Variants in RNF17 observed in about 807,000 individuals in gnomAD.
RNF17 encodes the protein spermatogenesis associated 23.
RNF17 carries 31 observed loss-of-function variants against 200.5 expected under a neutral mutation model. The observed-to-expected ratio is 0.15, with a 90% confidence interval of 0.12 to 0.21. The LOEUF (loss-of-function observed/expected upper bound fraction) is 0.21, where lower values mean the gene tolerates loss of function less well. RNF17 is among the 10% of genes least tolerant of loss of function. RNF17 has a pLI of 1.00. For synonymous variants in RNF17, 606 were observed against 637.8 expected, an observed-to-expected ratio of 0.95 and a Z score of 0.75; for missense variants, 1,628 against 1,905.1, an observed-to-expected ratio of 0.85 and a Z score of 2.71.
chr13:24,844,516 C>T, intron 20 of RNF17, 136 bp from the exon 21 acceptor site: 2 of 694,870 alleles, frequency 2.9e-6, no homozygotes, highest in Non-Finnish European at 4.8e-6. Flanking sequence ...GGAAGAAATA[C>T]ACTTGTACAT....
rs962512122 is a variant in RNF17 at position 24,856,814 on chromosome 13, G to A, written c.3611-2187G>A. ...GTTACTTTGTTGTGTATCCTATAAC[G>A]CTTGAAATCCATTGGATTTCTTGTT... On this transcript the variant is annotated intron_variant, in intron 25 of 35. Transcript: ENST00000255324. 4.6e-5 allele frequency among the ~76,000 whole-genome samples: 7 copies of A among 152,144 alleles called. No individual in the cohort carries two copies. In the East Asian group the frequency reaches 5.8e-4, roughly 13 times the overall value.
chr13:24,751,598 T>C, the RNF17 span: 4 of 152,210 alleles, frequency 2.6e-5, no homozygotes, highest in Non-Finnish European at 5.9e-5. Flanking sequence ...CTCAGGGATA[T>C]ACTGCTTGGT....
the RNF17 span, among the ~76,000 whole-genome samples, chr13:24,748,345 C>T: frequency 6.6e-6 from 1 of 152,218 alleles, no homozygotes; most frequent in African/African-American, 2.4e-5. Context: ...ACATGCGGCT[C>T]ATAGCCCAGA....
chr13:24,780,606 G>T (rs1165837746), intron 5 of RNF17, among the ~76,000 whole-genome samples: 2 of 152,170 alleles, frequency 1.3e-5, no homozygotes, highest in African/African-American at 2.4e-5. Flanking sequence ...TTCTGGGCAG[G>T]CTCACTTGGT....
chr13:24,788,555 G>A (rs1883424493), intron 7 of RNF17, among the ~76,000 whole-genome samples: 1 of 152,018 alleles, frequency 6.6e-6, no homozygotes, highest in South Asian at 2.1e-4. Context: ...AACAATTTAG[G>A]TGTGGCTGTC....
intron 11 of RNF17, among the ~76,000 whole-genome samples, chr13:24,798,593 ACTT>A (rs556638249): frequency 1.3e-5 from 2 of 152,152 alleles, no homozygotes; most frequent in South Asian, 2.1e-4. Flanking sequence ...TTCTCCTGCT[ACTT>A]CTTCTAAGTA....
intron 1 of RNF17, among the ~76,000 whole-genome samples, chr13:24,765,969 T>C (rs1278111101): frequency 1.3e-5 from 2 of 152,222 alleles, no homozygotes; most frequent in African/African-American, 2.4e-5. Flanking sequence ...GGCTCACGCC[T>C]ATAGTCCCAG....
In RNF17 at chr13:24,823,367, C is replaced by T. The variant is rs188783328; in HGVS notation, c.2092-2252C>T. The stretch of plus-strand genomic sequence containing the variant: ...GATTACAGGTGTGAGCCACCACGCC[C>T]GGCCAAGAGAGTTGTTTTAAAAGCT... On this transcript the variant is annotated intron_variant, in intron 15 of 35. Transcript: ENST00000255324. Among the ~76,000 whole-genome samples the T allele has an allele frequency of 6.6e-5, 10 of 152,260 alleles. No homozygotes were observed. In the East Asian group the frequency reaches 7.7e-4, roughly 12 times the overall value.
chr13:24,839,278 A>G (rs1890358532), intron 18 of RNF17, among the ~76,000 whole-genome samples: 1 of 152,172 alleles, frequency 6.6e-6, no homozygotes, highest in Admixed American at 6.5e-5. Flanking sequence ...ATTGATGGGT[A>G]GAATGAATAT....
rs147398360 is a variant in RNF17, at chr13:24,862,738, C to G, written c.3920C>G (p.Ala1307Gly). ...TPVGNVWQPD[A>G]IEVLQQLLSK... ...GTTGGGAATGTCTGGCAACCAGATG[C>G]AATAGAAGTTCTTCAACAACTGCTT... Residue 1307 changes from alanine (A) to glycine (G), a missense_variant, in exon 28 of 36, where the codon GCA (alanine) becomes GGA (glycine). By Grantham distance (60) the Ala-to-Gly change is moderately conservative. Coordinates refer to ENST00000255324, the MANE Select transcript of RNF17 (RefSeq NM_031277.3). 34 of 1,608,396 alleles carry G rather than the reference C, an allele frequency of 2.1e-5. No individual in the cohort carries two copies. The highest frequency in any genetic ancestry group is 2.6e-5 in the Non-Finnish European group (31 of 1,175,262).
rs141510767 is a variant in RNF17, at chr13:24,832,604, G to T, written c.2482+626G>T. On this transcript the variant is annotated intron_variant, in intron 18 of 35. Coordinates refer to ENST00000255324, the MANE Select transcript of RNF17 (RefSeq NM_031277.3). ...TTTTACTTCAAGATAATGTTTGTGGGCTGCTGCCCCAGACTCTGCTGGGGT... is the reference window on the plus strand; with the variant it reads ...TTTTACTTCAAGATAATGTTTGTGGTCTGCTGCCCCAGACTCTGCTGGGGT... Among the ~76,000 whole-genome samples, 26 of 152,246 alleles carry T rather than the reference G, an allele frequency of 1.7e-4. 1 individual carries two copies. The highest frequency in any genetic ancestry group is 6.3e-4 in the African/African-American group (26 of 41,534).
chr13:24,806,926 A>G (rs1026131467), intron 15 of RNF17, among the ~76,000 whole-genome samples: 1 of 151,132 alleles, frequency 6.6e-6, no homozygotes, highest in Non-Finnish European at 1.5e-5. Context: ...GCGATAGTTT[A>G]CTGAGAATGA....
chr13:24,870,427 G>A, intron 31 of RNF17, 144 bp from the exon 32 acceptor site: 1 of 610,606 alleles, frequency 1.6e-6, no homozygotes, highest in Non-Finnish European at 2.9e-6. Context: ...GTAGGATGTG[G>A]GAAGGAATAG....
intron 30 of RNF17, among the ~76,000 whole-genome samples, chr13:24,866,640 T>C (rs1177937654): frequency 2.0e-5 from 3 of 152,240 alleles, no homozygotes; most frequent in Admixed American, 2.0e-4. Context: ...AAAATTCCAT[T>C]GTATGGATGT....
chr13:24,801,318 A>G (rs1034044440), intron 13 of RNF17, among the ~76,000 whole-genome samples: 4 of 152,118 alleles, frequency 2.6e-5, no homozygotes, highest in African/African-American at 7.2e-5. Flanking sequence ...TTTACTTTCA[A>G]TATGTTACGT....
At chr13:24,882,227 TATATAGATAG>T (rs373483393), downstream of RNF17, 2 of 97,908 alleles carry the variant, frequency 2.0e-5, no homozygotes, top group Admixed American at 2.2e-4. Context: ...TAGATACATC[TATATAGATAG>T]ATATATAGAT....
chr13:24,807,145 G>A (rs1363087736), intron 15 of RNF17, among the ~76,000 whole-genome samples: 1 of 151,664 alleles, frequency 6.6e-6, no homozygotes, highest in Non-Finnish European at 1.5e-5. Context: ...ATGATTTATA[G>A]TCCTTTGGGT....
intron 19 of RNF17, among the ~76,000 whole-genome samples, chr13:24,843,374 G>T (rs540237535): frequency 6.6e-6 from 1 of 152,022 alleles, no homozygotes; most frequent in Admixed American, 6.5e-5. Context: ...AAAAATTAGT[G>T]GGGCATGGTG....
At chr13:24,874,405 C>G (rs1894634398) in intron 33 of RNF17, 156 bp downstream of exon 33, 2 of 540,338 alleles carry the variant, frequency 3.7e-6, no homozygotes, top group Middle Eastern at 5.0e-4. Context: ...ATAAAATTTA[C>G]CATTGTAGCT....
Sources: gnomAD v4.1 joint callset for allele counts (sites outside exome capture counted in the v4.1 genomes callset) on GRCh38, gnomAD v4.1.1 for gene constraint, MANE v1.5 for transcripts, NCBI Gene and HGNC (gene_info 2026-07-23, HGNC 2026-07-21) for gene names.